The following KCNJ12 variants were observed in gnomAD, a reference collection of about 807,000 sequenced individuals.
The protein encoded by KCNJ12 is potassium inwardly rectifying channel subfamily J member 12.
Under a neutral mutation model 22.3 loss-of-function variants are expected in KCNJ12, and 2 were observed. The observed-to-expected ratio is 0.09, with a 90% CI of 0.04 to 0.28. KCNJ12 has a LOEUF of 0.28. Among genes scored for constraint, KCNJ12 ranks in the 10% least tolerant of loss-of-function variants. The pLI is 1.00. For missense variants in KCNJ12, 155 were observed against 633.3 expected (o/e 0.24, Z 8.11); for synonymous variants, 117 against 261.4 (o/e 0.45, Z 5.33).
chr17:21,395,812 G>C (rs1200555518), intron 1 of KCNJ12, among the ~76,000 whole-genome samples: 1 of 152,208 alleles, frequency 6.6e-6, no homozygotes, highest in Non-Finnish European at 1.5e-5. Flanking sequence ...GCAGAGGTCA[G>C]GTAGAGGTTG....
At chr17:21,390,416 C>T (rs1330394750) in intron 1 of KCNJ12, among the ~76,000 whole-genome samples, 1 of 152,204 alleles carries the variant, frequency 6.6e-6, no homozygotes, top group Non-Finnish European at 1.5e-5. Context: ...GGACCACTGA[C>T]CATAGACTCC....
intron 1 of KCNJ12, among the ~76,000 whole-genome samples, chr17:21,399,148 G>A (rs1905488511): frequency 6.6e-6 from 1 of 152,160 alleles, no homozygotes; most frequent in Admixed American, 6.5e-5. Context: ...ACCCCATGGA[G>A]CGAAGCTGCC....
chr17:21,385,387 G>A (rs1315105734), intron 1 of KCNJ12, among the ~76,000 whole-genome samples: 3 of 152,166 alleles, frequency 2.0e-5, no homozygotes, highest in African/African-American at 7.2e-5. Flanking sequence ...CTTCCCTCTG[G>A]GCTTGGGCAC....
chr17:21,392,484 G>GCAGGGGT (rs1905233797), intron 1 of KCNJ12, among the ~76,000 whole-genome samples: 1 of 152,250 alleles, frequency 6.6e-6, no homozygotes. Context: ...AAGGCAGGGG[G>GCAGGGGT]CAGGGGCCCA....
At chr17:21,392,337 C>T (rs1555559410) in intron 1 of KCNJ12, among the ~76,000 whole-genome samples, 1 of 152,230 alleles carries the variant, frequency 6.6e-6, no homozygotes, top group Non-Finnish European at 1.5e-5. Flanking sequence ...GCTGTGTTTG[C>T]TCAGAGAACC....
chr17:21,378,928 G>A (rs1904770255), intron 1 of KCNJ12, among the ~76,000 whole-genome samples: 2 of 152,170 alleles, frequency 1.3e-5, no homozygotes, highest in Admixed American at 1.3e-4. Flanking sequence ...GAAGGAAGAG[G>A]TGCCTGGGAA....
intron 2 of KCNJ12, 22 bp from the exon 3 acceptor site, chr17:21,415,265 C>T: frequency 6.5e-7 from 1 of 1,547,216 alleles, no homozygotes; most frequent in South Asian, 1.2e-5. Context: ...CCCAGCCAGA[C>T]ATGCTGTCGT....
At chr17:21,378,284 A>C (rs1208864582) in intron 1 of KCNJ12, among the ~76,000 whole-genome samples, 2 of 152,240 alleles carry the variant, frequency 1.3e-5, no homozygotes, top group Non-Finnish European at 2.9e-5. Context: ...GGGGAGGTCC[A>C]TCTCAGCCCT....
intron 1 of KCNJ12, among the ~76,000 whole-genome samples, chr17:21,380,932 C>T (rs1425246972): frequency 1.3e-5 from 2 of 152,222 alleles, no homozygotes; most frequent in African/African-American, 2.4e-5. Context: ...TGGTGCTCCA[C>T]AGCTCACTCC....
chr17:21,414,497 A>G (rs1229148526), intron 2 of KCNJ12, among the ~76,000 whole-genome samples: 23 of 152,278 alleles, frequency 1.5e-4, no homozygotes, highest in Non-Finnish European at 2.9e-5. Context: ...AAGAAAGAAA[A>G]GAAAAAAAGA....
At chr17:21,407,724 C>A (rs1199674538) in intron 1 of KCNJ12, among the ~76,000 whole-genome samples, 13 of 152,304 alleles carry the variant, frequency 8.5e-5, no homozygotes, top group African/African-American at 3.1e-4. Context: ...CTTATCCATC[C>A]ATCTATCCAA....
rs1567711026 is a variant in KCNJ12 at position 21,419,294 on chromosome 17, A to T, written c.*2650A>T. 1 of 151,732 alleles carries T rather than the reference A, an allele frequency of 6.6e-6. No homozygotes were observed. Among genetic ancestry groups the T allele is most frequent in the East Asian group, 2.2e-4 (1 of 4,594 alleles). The allele number at this position is 151,732 out of a possible 1,614,324, so 9.4% of individuals were successfully genotyped here. On this transcript the variant is annotated 3_prime_UTR_variant, in exon 3 of 3. Transcript: ENST00000583088. Reference sequence around the variant, plus strand: ...TTAGTAATACAGATACGTGATCTATACGTGTGTGTGTGTGTGTGTGTGTGT... The same window carrying T: ...TTAGTAATACAGATACGTGATCTATTCGTGTGTGTGTGTGTGTGTGTGTGT...
chr17:21,389,223 C>G (rs2144775711), intron 1 of KCNJ12, among the ~76,000 whole-genome samples: 2 of 152,322 alleles, frequency 1.3e-5, no homozygotes, highest in South Asian at 4.1e-4. Context: ...TGCCCAGAGT[C>G]TTGCCTCCCA....
chr17:21,383,802 G>A (rs984764180), intron 1 of KCNJ12, among the ~76,000 whole-genome samples: 2 of 152,184 alleles, frequency 1.3e-5, no homozygotes, highest in Admixed American at 6.5e-5. Flanking sequence ...CTGGGGATGT[G>A]GCCTGCACAA....
chr17:21,377,844 A>C (rs1904719586), intron 1 of KCNJ12, among the ~76,000 whole-genome samples: 1 of 151,746 alleles, frequency 6.6e-6, no homozygotes, highest in Admixed American at 6.6e-5. Flanking sequence ...CACAGCCTGG[A>C]CTCGCCCGCA....
chr17:21,385,527 G>T (rs11871293), intron 1 of KCNJ12, among the ~76,000 whole-genome samples: 2 of 152,200 alleles, frequency 1.3e-5, no homozygotes, highest in African/African-American at 2.4e-5. Flanking sequence ...AGTCAGAGCG[G>T]CCAGGTCCCT....
intron 1 of KCNJ12, among the ~76,000 whole-genome samples, chr17:21,403,919 A>G (rs1404337781): frequency 2.0e-5 from 3 of 152,252 alleles, no homozygotes; most frequent in Admixed American, 2.0e-4. Context: ...TTGCCCCAGA[A>G]CTCTTATAGT....
In KCNJ12 at chr17:21,416,716, G is replaced by C. The variant is rs1391071647; in HGVS notation, c.*72G>C. On this transcript the variant is annotated 3_prime_UTR_variant, in exon 3 of 3. Transcript: ENST00000583088. ...CCCCGCGGTCGCTCAGGGGCCCCGG[G>C]TTTGAGCAGAACGGGCCCAGTGCCC... is the stretch of plus-strand genomic sequence containing the variant. 1.3e-5 allele frequency: 20 copies of C among 1,490,388 alleles called. No individual in the cohort carries two copies. The highest frequency in any genetic ancestry group is 1.7e-5 in the Non-Finnish European group (19 of 1,122,432). 92.3% of individuals were successfully genotyped at this position (1,490,388 alleles called of 1,614,324 possible). A position where few individuals can be genotyped will look rare whatever the true frequency, so the allele number is the denominator to read the frequency against.
chr17:21,379,035 C>T (rs984661502), intron 1 of KCNJ12, among the ~76,000 whole-genome samples: 2 of 152,328 alleles, frequency 1.3e-5, no homozygotes, highest in Admixed American at 6.5e-5. Flanking sequence ...CCCCACCAGC[C>T]TTCCTGCCCC....
Sources: gnomAD v4.1 joint callset for allele counts (sites outside exome capture counted in the v4.1 genomes callset) on GRCh38, gnomAD v4.1.1 for gene constraint, MANE v1.5 for transcripts, NCBI Gene and HGNC (gene_info 2026-07-23, HGNC 2026-07-21) for gene names.